The following ENDOV variants were observed in gnomAD, a reference collection of about 807,000 sequenced individuals.
ENDOV encodes the protein hEndoV.
A neutral mutation model predicts 39.4 loss-of-function variants in ENDOV; 37 were observed. The ratio of observed to expected loss-of-function variants is 0.94; its 90% CI spans 0.72 to 1.23. The LOEUF is 1.23. ENDOV is among the 50% of genes most tolerant of loss of function. ENDOV has a pLI of 0.00. For synonymous variants in ENDOV, 186 were observed against 163.4 expected (o/e 1.14, Z -1.05); for missense variants, 441 against 375.7 (o/e 1.17, Z -1.44).
At chr17:80,415,852 G>T in intron 2 of ENDOV, 31 bp downstream of exon 2, 1 of 1,567,810 alleles carries the variant, frequency 6.4e-7, no homozygotes, top group Non-Finnish European at 8.6e-7. Context: ...GCTCGAGGCG[G>T]GCCCCTCGGT....
chr17:80,421,490 CA>C (rs1395422272), intron 2 of ENDOV, among the ~76,000 whole-genome samples: 11 of 132,160 alleles, frequency 8.3e-5, no homozygotes, highest in African/African-American at 2.1e-4. Flanking sequence ...GACCGGGTCC[CA>C]GGGGGCTGCT....
intron 9 of ENDOV, among the ~76,000 whole-genome samples, chr17:80,432,630 C>T (rs1327212334): frequency 6.6e-6 from 1 of 152,084 alleles, no homozygotes; most frequent in East Asian, 1.9e-4. Flanking sequence ...TCATGCTGGC[C>T]CCCAGGCCCA....
intron 2 of ENDOV, chr17:80,418,559 TG>T (rs1208187066): frequency 6.6e-6 from 1 of 152,172 alleles, no homozygotes; most frequent in East Asian, 1.9e-4. Flanking sequence ...GAAAGGATCT[TG>T]GAACAGTCTG....
At position 80,423,408 on chromosome 17, in the gene ENDOV, C is replaced by T. The variant is rs1242694504; in HGVS notation, c.404-112C>T. The T allele has an allele frequency of 1.4e-5, 15 of 1,037,820 alleles. No homozygotes were observed. The East Asian group carries it at 2.9e-4, about 20-fold the overall frequency. The allele number at this position is 1,037,820 out of a possible 1,614,324, so 64.3% of individuals were successfully genotyped here. On this transcript the variant is annotated intron_variant, in intron 4 of 9. Coordinates refer to ENST00000518137, the MANE Select transcript of ENDOV (RefSeq NM_173627.5). Reference sequence around the variant, plus strand: ...CTGGTTTCCCCAGCCCTCTGCCTGTCCACAGACCTCTGCTCACTTAGGGAA... The same window carrying T: ...CTGGTTTCCCCAGCCCTCTGCCTGTTCACAGACCTCTGCTCACTTAGGGAA...
chr17:80,417,801 C>T (rs1023561423), intron 2 of ENDOV: 6 of 152,196 alleles, frequency 3.9e-5, no homozygotes, highest in African/African-American at 1.4e-4. Flanking sequence ...GCTTTGCCCA[C>T]CATGGATAGC....
intron 4 of ENDOV, among the ~76,000 whole-genome samples, chr17:80,422,755 A>G (rs1248187378): frequency 2.0e-5 from 3 of 151,882 alleles, no homozygotes; most frequent in Admixed American, 6.6e-5. Flanking sequence ...GCTGGAGTGC[A>G]GTGGCGCGAT....
chr17:80,430,518 G>A (rs2083267742), intron 9 of ENDOV: 2 of 553,184 alleles, frequency 3.6e-6, no homozygotes, highest in East Asian at 6.4e-5. Context: ...CCTAGCTGGG[G>A]TAGCTGGGCT....
At chr17:80,432,083 AG>A (rs2083364394) in intron 9 of ENDOV, among the ~76,000 whole-genome samples, 1 of 152,136 alleles carries the variant, frequency 6.6e-6, no homozygotes. Context: ...TGGGCGCTGA[AG>A]GTCCCCTTGG....
intron 2 of ENDOV, chr17:80,416,347 A>C (rs1286108145): frequency 6.4e-6 from 1 of 155,046 alleles, no homozygotes. Flanking sequence ...TTTATCTTCA[A>C]GTCTGATTGT....
At position 80,422,254 on chromosome 17, in the gene ENDOV, G is replaced by A; in HGVS notation, c.403+9G>A. 1 of 1,613,564 alleles carries A rather than the reference G, an allele frequency of 6.2e-7. No homozygotes were observed. The highest frequency in any genetic ancestry group is 8.5e-7 in the Non-Finnish European group (1 of 1,179,792). ...GGTACTCCACCACCGAGGTAATCCT[G>A]CTCTTGGAGGTCCAGGGAGGGCACT... is the stretch of plus-strand genomic sequence containing the variant. On this transcript the variant is annotated intron_variant, in intron 4 of 9. Coordinates refer to ENST00000518137, the MANE Select transcript of ENDOV (RefSeq NM_173627.5).
At chr17:80,426,551 T>C (rs1432440104) in intron 7 of ENDOV, among the ~76,000 whole-genome samples, 2 of 152,012 alleles carry the variant, frequency 1.3e-5, no homozygotes, top group Admixed American at 1.3e-4. Flanking sequence ...CTTAGGAGGC[T>C]GAGGCGGGAG....
intron 7 of ENDOV, among the ~76,000 whole-genome samples, chr17:80,427,208 C>A (rs41300766): frequency 0.033 from 4,983 of 152,338 alleles, 175 homozygotes; most frequent in East Asian, 0.21. Flanking sequence ...GTCCCCAGCC[C>A]CCAGGAAAGA....
rs1200585593 is a variant in ENDOV, at chr17:80,425,024, T to G, written c.517-8T>G. On this transcript the variant is annotated splice_region_variant and splice_polypyrimidine_tract_variant and intron_variant, in intron 5 of 9. Coordinates refer to ENST00000518137, the MANE Select transcript of ENDOV (RefSeq NM_173627.5). ...GTTTTTTTCCCCATTTTTCCCTCCA[T>G]TTTCCAGATCCGACTCCTGCAGACT... 2 of 1,611,482 alleles carry G rather than the reference T, an allele frequency of 1.2e-6. No individual in the cohort carries two copies. Among genetic ancestry groups the G allele is most frequent in the South Asian group, 1.1e-5 (1 of 90,470 alleles).
intron 9 of ENDOV, among the ~76,000 whole-genome samples, chr17:80,430,684 C>T (rs2083279543): frequency 6.6e-6 from 1 of 152,198 alleles, no homozygotes; most frequent in African/African-American, 2.4e-5. Context: ...GGCAGGAGGC[C>T]AGACAGGGTG....
At chr17:80,420,709 AAC>A (rs1452816937) in intron 2 of ENDOV, among the ~76,000 whole-genome samples, 2 of 152,224 alleles carry the variant, frequency 1.3e-5, no homozygotes, top group Admixed American at 6.5e-5. Flanking sequence ...GACTAAGGAA[AAC>A]ACAAGGTTAG....
rs747412732 is a variant in ENDOV, at chr17:80,429,778, C to T, written c.785C>T (p.Pro262Leu). 3.6e-5 allele frequency: 58 copies of T among 1,598,962 alleles called. No individual in the cohort carries two copies. Among genetic ancestry groups the T allele is most frequent in the East Asian group, 6.7e-5 (3 of 44,840 alleles). ...GLPGPPTPRS[P>L]KAQRPVACPK... Reference sequence around the variant, plus strand: ...TTTCTCAATGTCATCACCAGGAGCCCGAAGGCGCAGAGGCCAGTGGCATGC... The same window carrying T: ...TTTCTCAATGTCATCACCAGGAGCCTGAAGGCGCAGAGGCCAGTGGCATGC... Residue 262 changes from proline to leucine, a missense_variant, in exon 9 of 10, where the codon CCG becomes CTG. Pro to Leu is a moderately conservative substitution (Grantham distance 98). Transcript: ENST00000518137.
At chr17:80,434,493 T>G (rs1343574719) in intron 9 of ENDOV, among the ~76,000 whole-genome samples, 1 of 152,236 alleles carries the variant, frequency 6.6e-6, no homozygotes, top group Non-Finnish European at 1.5e-5. Context: ...GTGGTGACCC[T>G]GTGTTTAACT....
rs1228432804 is a variant in ENDOV at position 80,436,663 on chromosome 17, T to C, written c.*520T>C. On this transcript the variant is annotated 3_prime_UTR_variant, in exon 10 of 10. Transcript: ENST00000518137. ...TACTCTGCTGCTGAATGTGATTTGC[T>C]TGTATTTTGGTGCGGATTTTTACAT... is the stretch of plus-strand genomic sequence containing the variant. The C allele has an allele frequency of 5.2e-6, 1 of 193,586 alleles. No individual in the cohort carries two copies. The highest frequency in any genetic ancestry group is 1.5e-4 in the East Asian group (1 of 6,654). 12.0% of individuals were successfully genotyped at this position (193,586 alleles called of 1,614,324 possible).
At chr17:80,423,487 C>CA in intron 4 of ENDOV, 33 bp from the exon 5 acceptor site, 180 of 1,343,870 alleles carry the variant, frequency 1.3e-4, no homozygotes, top group Middle Eastern at 3.7e-4. Context: ...CCAGCCCCAC[C>CA]TCCCCAACCC....
Sources: allele counts gnomAD v4.1 joint callset (sites outside exome capture counted in the v4.1 genomes callset), GRCh38; gene constraint gnomAD v4.1.1; transcripts MANE v1.5; gene names NCBI Gene and HGNC (gene_info 2026-07-23, HGNC 2026-07-21).